Variants in SGCZ observed in about 807,000 individuals in gnomAD.
SGCZ encodes zeta-sarcoglycan.
Under a neutral mutation model 41.3 loss-of-function variants are expected in SGCZ, and 40 were observed. The observed-to-expected ratio is 0.97, with a 90% confidence interval of 0.75 to 1.26. SGCZ has a LOEUF of 1.26. Ranked by LOEUF, SGCZ falls within the 50% of genes most tolerant of loss-of-function variation. SGCZ has a pLI of 0.00. For synonymous variants in SGCZ, 206 were observed against 137.5 expected (o/e 1.50, Z -3.49); for missense variants, 552 against 369.8 (o/e 1.49, Z -4.04).
In SGCZ at chr8:14,171,190, T is replaced by C. The variant is rs111468820; in HGVS notation, c.425-6488A>G. ...AAACTAACACCTCAGAATTTTTTTC[T>C]TTTTCTCATTTATCATCCCTGGTCT... is the stretch of plus-strand genomic sequence containing the variant. On this transcript the variant is annotated intron_variant, in intron 4 of 7. Coordinates refer to ENST00000382080, the MANE Select transcript of SGCZ (RefSeq NM_139167.4). 4.3e-3 allele frequency among the ~76,000 whole-genome samples: 652 copies of C among 151,868 alleles called. 2 individuals carry two copies. Among genetic ancestry groups the C allele is most frequent in the African/African-American group, 0.014 (598 of 41,472 alleles).
chr8:14,230,187 A>G (rs1806511839), intron 4 of SGCZ, among the ~76,000 whole-genome samples: 1 of 152,120 alleles, frequency 6.6e-6, no homozygotes, highest in Admixed American at 6.6e-5. Flanking sequence ...AAAGGTAAAA[A>G]GTAGTTTTTC....
chr8:14,417,002 T>A (rs1202050834), intron 2 of SGCZ, among the ~76,000 whole-genome samples: 1 of 151,872 alleles, frequency 6.6e-6, no homozygotes. Context: ...GTTAAATTGT[T>A]ATCTTTGATA....
At chr8:14,364,039 C>T (rs1475231728) in intron 2 of SGCZ, among the ~76,000 whole-genome samples, 1 of 152,114 alleles carries the variant, frequency 6.6e-6, no homozygotes, top group Non-Finnish European at 1.5e-5. Flanking sequence ...TACCTATAAT[C>T]TCTAATTATT....
At chr8:14,761,589 C>T (rs1269422842) in intron 1 of SGCZ, among the ~76,000 whole-genome samples, 4 of 149,706 alleles carry the variant, frequency 2.7e-5, no homozygotes, top group Admixed American at 1.3e-4. Context: ...TGGAGTGCAG[C>T]AGCGTGGCTC....
At chr8:15,235,054 A>C (rs1276138529) in intron 1 of SGCZ, among the ~76,000 whole-genome samples, 1 of 152,180 alleles carries the variant, frequency 6.6e-6, no homozygotes, top group African/African-American at 2.4e-5. Context: ...AAAACATGCA[A>C]ATAATGCCAA....
intron 1 of SGCZ, among the ~76,000 whole-genome samples, chr8:14,702,820 GAT>G (rs1809192279): frequency 7.8e-5 from 1 of 12,888 alleles, no homozygotes; most frequent in East Asian, 1.8e-3. Context: ...TAGGTAGATA[GAT>G]AGATAGATAG....
At chr8:15,230,024 G>C (rs901937789) in intron 1 of SGCZ, among the ~76,000 whole-genome samples, 8 of 152,162 alleles carry the variant, frequency 5.3e-5, no homozygotes, top group Admixed American at 2.0e-4. Context: ...TAGATTTAAA[G>C]TTTGCATTTT....
At chr8:14,590,971 A>G (rs528780739) in intron 1 of SGCZ, among the ~76,000 whole-genome samples, 4 of 151,032 alleles carry the variant, frequency 2.6e-5, no homozygotes, top group Admixed American at 6.6e-5. Flanking sequence ...ATGCAAACAC[A>G]TATTTTTCTT....
chr8:15,164,034 G>C (rs1035517553), intron 1 of SGCZ, among the ~76,000 whole-genome samples: 1 of 152,202 alleles, frequency 6.6e-6, no homozygotes, highest in South Asian at 2.1e-4. Flanking sequence ...CTCTAGCAGG[G>C]ACTCTGACCT....
At chr8:14,341,839 G>T (rs1296337495) in intron 2 of SGCZ, among the ~76,000 whole-genome samples, 1 of 152,182 alleles carries the variant, frequency 6.6e-6, no homozygotes, top group African/African-American at 2.4e-5. Flanking sequence ...CTCCCGCCAT[G>T]ATTCTGAAGC....
At chr8:14,117,356 G>GT (rs57139452) in intron 5 of SGCZ, among the ~76,000 whole-genome samples, 21 of 143,446 alleles carry the variant, frequency 1.5e-4, no homozygotes, top group Admixed American at 3.5e-4. Flanking sequence ...AATAGGTAGT[G>GT]TTTTTTTTTT....
chr8:14,693,236 A>C (rs1446388468), intron 1 of SGCZ, among the ~76,000 whole-genome samples: 4 of 152,152 alleles, frequency 2.6e-5, no homozygotes, highest in African/African-American at 9.7e-5. Flanking sequence ...AAATGACCTT[A>C]ATAATTTCCA....
chr8:14,591,005 T>C (rs891157278), intron 1 of SGCZ, among the ~76,000 whole-genome samples: 3 of 151,010 alleles, frequency 2.0e-5, no homozygotes, highest in Non-Finnish European at 4.4e-5. Flanking sequence ...TCACAAATAT[T>C]ATGCCATCAT....
At chr8:14,652,937 C>G (rs923455853) in intron 1 of SGCZ, among the ~76,000 whole-genome samples, 1 of 151,948 alleles carries the variant, frequency 6.6e-6, no homozygotes. Flanking sequence ...AATTATCATA[C>G]AAAAATTTTG....
At chr8:14,997,401 G>C (rs114939180) in intron 1 of SGCZ, among the ~76,000 whole-genome samples, 1 of 152,116 alleles carries the variant, frequency 6.6e-6, no homozygotes, top group Non-Finnish European at 1.5e-5. Flanking sequence ...TATTAATGCA[G>C]TAAAGACATC....
At chr8:14,880,130 T>A (rs117066793) in intron 1 of SGCZ, among the ~76,000 whole-genome samples, 1 of 152,222 alleles carries the variant, frequency 6.6e-6, no homozygotes, top group Non-Finnish European at 1.5e-5. Flanking sequence ...CATGAGCCAC[T>A]GCACCTGGCC....
chr8:15,036,174 G>A (rs1187729791), intron 1 of SGCZ, among the ~76,000 whole-genome samples: 1 of 151,984 alleles, frequency 6.6e-6, no homozygotes, highest in Non-Finnish European at 1.5e-5. Flanking sequence ...CAGAAATAAA[G>A]TAGATCATAA....
chr8:14,168,192 A>G (rs1177696011), intron 4 of SGCZ, among the ~76,000 whole-genome samples: 1 of 152,218 alleles, frequency 6.6e-6, no homozygotes. Flanking sequence ...AGGAAAACAA[A>G]AATGAGATTC....
chr8:14,910,009 CTCTA>C (rs1799235918), intron 1 of SGCZ, among the ~76,000 whole-genome samples: 2 of 152,082 alleles, frequency 1.3e-5, no homozygotes, highest in South Asian at 4.1e-4. Context: ...ATGCATTGGC[CTCTA>C]TCTAGCCACT....
Sources: gnomAD v4.1 joint callset for allele counts (sites outside exome capture counted in the v4.1 genomes callset) on GRCh38, gnomAD v4.1.1 for gene constraint, MANE v1.5 for transcripts, NCBI Gene and HGNC (gene_info 2026-07-23, HGNC 2026-07-21) for gene names.